Variants in ECHDC3 observed in about 807,000 individuals in gnomAD.
ECHDC3 encodes the protein enoyl-CoA hydratase domain-containing protein 3, mitochondrial.
ECHDC3 carries 20 observed loss-of-function variants against 17.9 expected under a neutral mutation model. The ratio of observed to expected loss-of-function variants is 1.12; its 90% CI spans 0.79 to 1.63. The LOEUF is 1.63. Among genes scored for constraint, ECHDC3 ranks in the 40% most tolerant of loss-of-function variants. The pLI, the probability that ECHDC3 is intolerant of heterozygous loss-of-function variation, is 0.00. For missense variants in ECHDC3, 407 were observed against 357.7 expected (o/e 1.14, Z -1.11); for synonymous variants, 177 against 149.7 (o/e 1.18, Z -1.33).
chr10:11,759,079 G>A (rs751801872), intron 4 of ECHDC3, among the ~76,000 whole-genome samples: 24 of 152,186 alleles, frequency 1.6e-4, no homozygotes, highest in African/African-American at 3.4e-4. Flanking sequence ...CAGGCTGGGC[G>A]TGGTTGTCTC....
intron 1 of ECHDC3, 138 bp from the exon 2 acceptor site, chr10:11,747,211 C>A (rs2133787253): frequency 1.8e-6 from 2 of 1,082,504 alleles, no homozygotes; most frequent in East Asian, 3.0e-5. Flanking sequence ...GTTGACAGAC[C>A]CTCTAAATTG....
Position 11,749,508 on chromosome 10 carries a change from G to A in ECHDC3, c.306G>A (p.Val102=). 1 of 1,614,104 alleles carries A rather than the reference G, an allele frequency of 6.2e-7. No homozygotes were observed. The highest frequency in any genetic ancestry group is 1.7e-5 in the Admixed American group (1 of 60,018). The change falls in exon 3 of 5, where the codon GTG becomes GTA. Residue 102 remains valine, a synonymous_variant. Coordinates refer to ENST00000379215, the MANE Select transcript of ECHDC3 (RefSeq NM_024693.5). ...AAACATTTGCAGCTGAGGGGCCTGT[G>A]TTTTCTTCTGGGCATGACTTAAAGG... is the stretch of plus-strand genomic sequence containing the variant. ...KVIIISAEGP[V]FSSGHDLKEL...
chr10:11,747,313 G>T lies in ECHDC3; in HGVS notation c.171-36G>T, dbSNP rs762870189. On this transcript the variant is annotated intron_variant, in intron 1 of 4. Coordinates refer to ENST00000379215, the MANE Select transcript of ECHDC3 (RefSeq NM_024693.5). ...CAGGGGTCCTCACTTGTTTTGACTG[G>T]TGTGTGACCCTGTGATTGTAAAATG... The T allele has an allele frequency of 8.1e-5, 130 of 1,610,160 alleles. 5 individuals are homozygous for T. The highest frequency in any genetic ancestry group is 3.0e-5 in the Non-Finnish European group (35 of 1,178,040).
chr10:11,749,478 A>G lies in ECHDC3; in HGVS notation c.293-17A>G, dbSNP rs1202940092. ...TACATCTTTTTGTTTTCTTTTCTCAATTGGAAACATTTGCAGCTGAGGGGC... is the reference window on the plus strand; with the variant it reads ...TACATCTTTTTGTTTTCTTTTCTCAGTTGGAAACATTTGCAGCTGAGGGGC... On this transcript the variant is annotated splice_polypyrimidine_tract_variant and intron_variant, in intron 2 of 4. Transcript: ENST00000379215. The G allele has an allele frequency of 1.1e-5, 18 of 1,613,526 alleles. No individual in the cohort carries two copies. Among genetic ancestry groups the G allele is most frequent in the Admixed American group, 5.0e-5 (3 of 59,984 alleles).
intron 3 of ECHDC3, among the ~76,000 whole-genome samples, chr10:11,755,079 G>A (rs1379682585): frequency 6.6e-6 from 1 of 152,148 alleles, no homozygotes; most frequent in Non-Finnish European, 1.5e-5. Flanking sequence ...TGAGCACTTT[G>A]GGAGGCCAAG....
At position 11,763,279 on chromosome 10, in the gene ECHDC3, T is replaced by C. The variant is rs753303641; in HGVS notation, c.647T>C (p.Leu216Pro). Residue 216 changes from leucine (L) to proline (P), a missense_variant, in exon 5 of 5, where the codon CTC becomes CCC. Leu to Pro is a moderately conservative substitution (Grantham distance 98, BLOSUM62 -3). Coordinates refer to ENST00000379215, the MANE Select transcript of ECHDC3 (RefSeq NM_024693.5). The surrounding 1 kb of genome is among the most constrained non-coding windows in gnomAD (Gnocchi z 4.9). ...CCCATTTCTGCCCAGGAGGCCCTGC[T>C]CCACGGGCTGCTTAGCAAGGTGGTG... Reference protein sequence around the residue: ...GEPISAQEALLHGLLSKVVPE... With the variant: ...GEPISAQEALPHGLLSKVVPE... 1 of 780,288 alleles carries C rather than the reference T, an allele frequency of 1.3e-6. No individual in the cohort carries two copies. Among genetic ancestry groups the C allele is most frequent in the African/African-American group, 1.7e-5 (1 of 59,136 alleles). 48.3% of individuals were successfully genotyped at this position (780,288 alleles called of 1,614,324 possible).
intron 4 of ECHDC3, among the ~76,000 whole-genome samples, chr10:11,756,951 C>T (rs1042702843): frequency 6.6e-6 from 1 of 152,096 alleles, no homozygotes; most frequent in Non-Finnish European, 1.5e-5. Flanking sequence ...GCCAGGCTGG[C>T]CTCAAACTCC....
In ECHDC3 at chr10:11,747,346, C is replaced by T; in HGVS notation, c.171-3C>T. On this transcript the variant is annotated splice_region_variant and splice_polypyrimidine_tract_variant and intron_variant, in intron 1 of 4. Transcript: ENST00000379215. ...CCCTGTGATTGTAAAATGTTCTTCA[C>T]AGGAACATCGTCTTGAGCAATCCCA... 6.2e-7 allele frequency: 1 copy of T among 1,613,582 alleles called. No individual in the cohort carries two copies. Among genetic ancestry groups the T allele is most frequent in the South Asian group, 1.1e-5 (1 of 91,032 alleles).
intron 4 of ECHDC3, among the ~76,000 whole-genome samples, chr10:11,761,547 A>C (rs991974828): frequency 1.3e-5 from 2 of 152,252 alleles, no homozygotes; most frequent in African/African-American, 2.4e-5. Flanking sequence ...TTAGCGAGGA[A>C]GGCTTCTCTC....
intron 1 of ECHDC3, among the ~76,000 whole-genome samples, chr10:11,744,442 G>A (rs922049936): frequency 6.6e-6 from 1 of 152,092 alleles, no homozygotes; most frequent in African/African-American, 2.4e-5. Context: ...TTCTCTGTGT[G>A]AGAACATGAC....
At position 11,742,610 on chromosome 10, in the gene ECHDC3, G is replaced by T; in HGVS notation, c.34G>T (p.Ala12Ser). ...AAVAVLRAFGASGPMCLRRGP... is the reference protein window; with the variant it reads ...AAVAVLRAFGSSGPMCLRRGP... ...CGTCGCCGTCTTGCGGGCCTTCGGG[G>T]CAAGTGGGCCCATGTGTCTCCGGCG... is the stretch of plus-strand genomic sequence containing the variant. Residue 12 changes from alanine to serine, a missense_variant, in exon 1 of 5, where the codon GCA (alanine) becomes TCA (serine). Transcript: ENST00000379215. The T allele has an allele frequency of 1.5e-6, 2 of 1,301,304 alleles. No individual in the cohort carries two copies. Among genetic ancestry groups the T allele is most frequent in the Non-Finnish European group, 2.0e-6 (2 of 1,025,480 alleles). The allele number at this position is 1,301,304 out of a possible 1,614,324, so 80.6% of individuals were successfully genotyped here.
intron 3 of ECHDC3, chr10:11,752,360 T>C (rs1293656984): frequency 6.8e-6 from 1 of 146,904 alleles, no homozygotes; most frequent in African/African-American, 2.5e-5. Flanking sequence ...CCTCAAATGA[T>C]CCGCCCACCT....
chr10:11,743,541 C>T (rs1052684713), intron 1 of ECHDC3, among the ~76,000 whole-genome samples: 4 of 152,350 alleles, frequency 2.6e-5, no homozygotes, highest in Admixed American at 2.6e-4. Context: ...CTTTCTGCTG[C>T]TCTGCAAGGG....
intron 4 of ECHDC3, among the ~76,000 whole-genome samples, chr10:11,759,094 C>A (rs996468549): frequency 6.6e-6 from 1 of 152,204 alleles, no homozygotes; most frequent in Admixed American, 6.5e-5. Flanking sequence ...TGTCTCATGC[C>A]TGTAATCCCA....
chr10:11,746,909 A>T (rs1413189864), intron 1 of ECHDC3, among the ~76,000 whole-genome samples: 1 of 152,166 alleles, frequency 6.6e-6, no homozygotes, highest in African/African-American at 2.4e-5. Flanking sequence ...AGTTATTTTC[A>T]TTCTGGGCTC....
At position 11,763,871 on chromosome 10, in the gene ECHDC3, A is replaced by C. The variant is rs904040555; in HGVS notation, c.*327A>C. On this transcript the variant is annotated 3_prime_UTR_variant, in exon 5 of 5. Transcript: ENST00000379215. This position sits in a 1 kb window ranked among gnomAD's most constrained non-coding sequence, Gnocchi z 4.9. ...GCAAAAGGTGGCAACCCATGGAGGC[A>C]GAAAGAAGGACGCCAGCCTGACCCT... 8.3e-6 allele frequency: 9 copies of C among 1,078,366 alleles called. No homozygotes were observed. In the African/African-American group the frequency reaches 1.5e-4, roughly 18 times the overall value. The allele number at this position is 1,078,366 out of a possible 1,614,324, so 66.8% of individuals were successfully genotyped here.
At chr10:11,761,817 G>A (rs10752234) in intron 4 of ECHDC3, among the ~76,000 whole-genome samples, 101,512 of 152,206 alleles carry the variant, frequency 0.67, 34,341 homozygotes, top group Non-Finnish European at 0.71. Flanking sequence ...GCTGTACTCT[G>A]TTTTCCTGCC....
rs1168336662 is a variant in ECHDC3, at chr10:11,750,669, A to G, written c.390+1077A>G. Among the ~76,000 whole-genome samples the G allele has an allele frequency of 4.6e-5, 7 of 152,384 alleles. 1 individual carries two copies. The highest frequency in any genetic ancestry group is 3.9e-4 in the Admixed American group (6 of 15,306). On this transcript the variant is annotated intron_variant, in intron 3 of 4. Transcript: ENST00000379215. The stretch of plus-strand genomic sequence containing the variant: ...CCTGCAAGACATTGAGGGAAACATA[A>G]GAAAAAATTGTTTTCTGCCAAACTG...
At chr10:11,752,959 G>C (rs903095671) in intron 3 of ECHDC3, among the ~76,000 whole-genome samples, 6 of 152,106 alleles carry the variant, frequency 3.9e-5, no homozygotes, top group African/African-American at 1.4e-4. Context: ...TATTTATTTT[G>C]TATATTTATA....
Sources: allele counts gnomAD v4.1 joint callset (sites outside exome capture counted in the v4.1 genomes callset), GRCh38; gene constraint gnomAD v4.1.1; non-coding constraint Gnocchi (gnomAD v3.1); transcripts MANE v1.5; gene names NCBI Gene and HGNC (gene_info 2026-07-23, HGNC 2026-07-21).